Variants in HABP2 observed in about 807,000 individuals in gnomAD.
HABP2 encodes hyaluronan binding protein 2, also known as factor VII-activating protease.
HABP2 carries 65 observed loss-of-function variants against 66.5 expected under a neutral mutation model. That is an observed-to-expected ratio of 0.98 (90% CI 0.80 to 1.20). HABP2 has a LOEUF of 1.20. Among genes scored for constraint, HABP2 ranks in the 50% most tolerant of loss-of-function variants. HABP2 has a pLI of 0.00. For synonymous variants in HABP2, 263 were observed against 253.9 expected (o/e 1.04, Z -0.34); for missense variants, 786 against 691.0 (o/e 1.14, Z -1.54).
intron 2 of HABP2, among the ~76,000 whole-genome samples, chr10:113,572,161 G>C (rs1028885533): frequency 2.0e-5 from 3 of 152,222 alleles, no homozygotes; most frequent in Non-Finnish European, 2.9e-5. Flanking sequence ...ATGGGCCCTA[G>C]AGAATAGGAA....
intron 11 of HABP2, 43 bp downstream of exon 11, chr10:113,584,325 T>A: frequency 6.3e-7 from 1 of 1,588,330 alleles, no homozygotes; most frequent in Non-Finnish European, 8.6e-7. Flanking sequence ...GTGAACTACA[T>A]CAACCAGAGA....
intron 7 of HABP2, 120 bp downstream of exon 7, chr10:113,578,918 G>A (rs1845467835): frequency 1.4e-6 from 1 of 698,796 alleles, no homozygotes. Flanking sequence ...ATGTTATGCT[G>A]CTGTAGTAAA....
At chr10:113,585,964 G>T (rs776730699) in intron 12 of HABP2, 26 bp downstream of exon 12, 2 of 1,608,482 alleles carry the variant, frequency 1.2e-6, no homozygotes, top group African/African-American at 2.7e-5. Flanking sequence ...TGGTGCTTGT[G>T]GTAGGAGAGG....
chr10:113,563,276 G>A (rs1207949206), intron 1 of HABP2, among the ~76,000 whole-genome samples: 2 of 152,188 alleles, frequency 1.3e-5, no homozygotes, highest in Non-Finnish European at 2.9e-5. Context: ...ATAATGGAAT[G>A]ATGGAATGAA....
intron 1 of HABP2, 109 bp from the exon 2 acceptor site, chr10:113,567,380 G>A: frequency 1.2e-6 from 1 of 806,336 alleles, no homozygotes; most frequent in Non-Finnish European, 2.2e-6. Context: ...CCATCAGAAA[G>A]CACGCAGTGC....
intron 5 of HABP2, among the ~76,000 whole-genome samples, chr10:113,577,599 G>A (rs923710208): frequency 1.2e-4 from 18 of 152,166 alleles, no homozygotes; most frequent in Non-Finnish European, 2.1e-4. Context: ...GGAAATTTAC[G>A]TTCTCTTTTG....
At position 113,556,554 on chromosome 10, in the gene HABP2, A is replaced by AT. The variant is rs901551633; in HGVS notation, c.69+3372dup. The stretch of plus-strand genomic sequence containing the variant: ...CAAGACTCTGTCTCTATCAAAAAAA[A>AT]TTTTTTTTAAATTAAGCGGGTGTGG... On this transcript the variant is annotated intron_variant, in intron 1 of 12. Transcript: ENST00000351270. 1.3e-4 allele frequency among the ~76,000 whole-genome samples: 20 copies of AT among 151,770 alleles called. 1 individual carries two copies. The highest frequency in any genetic ancestry group is 2.1e-4 in the South Asian group (1 of 4,812).
chr10:113,588,551 C>G lies in HABP2; in HGVS notation c.*182C>G, dbSNP rs1490388753. On this transcript the variant is annotated 3_prime_UTR_variant, in exon 13 of 13. Transcript: ENST00000351270. ...CCAGACCAGCATTTGCACAATATCACCAGGCTTCTTCTGCCTCCCTTGGTA... is the reference window on the plus strand; with the variant it reads ...CCAGACCAGCATTTGCACAATATCAGCAGGCTTCTTCTGCCTCCCTTGGTA... 1.8e-6 allele frequency: 1 copy of G among 550,412 alleles called. No homozygotes were observed. Among genetic ancestry groups the G allele is most frequent in the Non-Finnish European group, 3.2e-6 (1 of 313,894 alleles). 34.1% of individuals were successfully genotyped at this position (550,412 alleles called of 1,614,324 possible).
Position 113,583,238 on chromosome 10 carries a change from G to T in HABP2, c.1117G>T (p.Val373Leu), listed in dbSNP as rs1845573008. ...CTDIKTRHLKVVLGDQDLKKE... is the reference protein window; with the variant it reads ...CTDIKTRHLKLVLGDQDLKKE... ...CAGCATAAAAACCAGACATCTAAAG[G>T]TGGTGCTAGGGGACCAGGACCTGAA... Residue 373 changes from valine (V) to leucine (L), a missense_variant, in exon 10 of 13, where the codon GTG (valine) becomes TTG (leucine). Physicochemically the swap from Val to Leu is conservative, Grantham distance 32 (BLOSUM62 1). Transcript: ENST00000351270. 2 of 1,613,836 alleles carry T rather than the reference G, an allele frequency of 1.2e-6. No individual in the cohort carries two copies. Among genetic ancestry groups the T allele is most frequent in the Non-Finnish European group, 8.5e-7 (1 of 1,179,734 alleles).
At chr10:113,556,932 A>G (rs1435383393) in intron 1 of HABP2, among the ~76,000 whole-genome samples, 1 of 151,396 alleles carries the variant, frequency 6.6e-6, no homozygotes, top group Non-Finnish European at 1.5e-5. Flanking sequence ...GGTGTGAAGC[A>G]TCATGCCTGG....
At position 113,581,878 on chromosome 10, in the gene HABP2, G is replaced by A. The variant is rs140508802; in HGVS notation, c.841G>A (p.Val281Ile). 98 of 1,613,830 alleles carry A rather than the reference G, an allele frequency of 6.1e-5. No homozygotes were observed. Among genetic ancestry groups the A allele is most frequent in the Admixed American group, 1.0e-4 (6 of 59,932 alleles). ...TTTATCTTTCTTGTGTCCCACAGACGTTGCCTACCCAGAGGAAAGCCCCAC... is the reference window on the plus strand; with the variant it reads ...TTTATCTTTCTTGTGTCCCACAGACATTGCCTACCCAGAGGAAAGCCCCAC... Reference protein sequence around the residue: ...CDVSACSAQDVAYPEESPTEP... With the variant: ...CDVSACSAQDIAYPEESPTEP... Residue 281 changes from valine to isoleucine, a missense_variant and splice_region_variant, in exon 9 of 13, where the codon GTT (valine) becomes ATT (isoleucine). By Grantham distance (29) the Val-to-Ile change is conservative. Transcript: ENST00000351270.
At chr10:113,559,298 C>A (rs1845057940) in intron 1 of HABP2, among the ~76,000 whole-genome samples, 2 of 152,194 alleles carry the variant, frequency 1.3e-5, no homozygotes, top group South Asian at 4.1e-4. Context: ...CTGGGATGAG[C>A]CATTTGTACA....
intron 2 of HABP2, among the ~76,000 whole-genome samples, chr10:113,572,125 CGT>C (rs1255916464): frequency 6.6e-6 from 1 of 152,220 alleles, no homozygotes; most frequent in Non-Finnish European, 1.5e-5. Context: ...GAGCTCTGCT[CGT>C]TCTATCCATC....
chr10:113,584,265 G>A lies in HABP2; in HGVS notation c.1355G>A (p.Trp452Ter), dbSNP rs868860032. Residue 452 changes from tryptophan to a stop codon, truncating the protein, a stop_gained, in exon 11 of 13, where the codon TGG becomes TAG. Transcript: ENST00000351270. LOFTEE classifies it high-confidence loss of function. ...PSGSECHISG[W>*]GVTETGKGSR... The stretch of plus-strand genomic sequence containing the variant: ...GGGAGTGAGTGCCACATCTCTGGCT[G>A]GGGTGTTACAGAAACAGGTGAGTCG... 1.2e-6 allele frequency: 2 copies of A among 1,613,938 alleles called. No individual in the cohort carries two copies. Among genetic ancestry groups the A allele is most frequent in the Non-Finnish European group, 8.5e-7 (1 of 1,179,794 alleles).
At chr10:113,556,804 CTTTTTTTT>C (rs66685949) in intron 1 of HABP2, among the ~76,000 whole-genome samples, 4 of 105,134 alleles carry the variant, frequency 3.8e-5, no homozygotes, top group African/African-American at 1.5e-4. Flanking sequence ...TTCTTTTATT[CTTTTTTTT>C]TTTTTTTTTT....
intron 3 of HABP2, among the ~76,000 whole-genome samples, chr10:113,574,692 T>C (rs1845376833): frequency 6.6e-6 from 1 of 152,180 alleles, no homozygotes; most frequent in Admixed American, 6.5e-5. Flanking sequence ...TGCAGCATTG[T>C]CCAGGTTTCC....
chr10:113,583,804 ACCAGCTGCT>A (rs1845585287), intron 10 of HABP2, among the ~76,000 whole-genome samples: 1 of 152,180 alleles, frequency 6.6e-6, no homozygotes, highest in South Asian at 2.1e-4. Flanking sequence ...GTTCCTAGCT[ACCAGCTGCT>A]CAGTTCTGTA....
At position 113,575,997 on chromosome 10, in the gene HABP2, T is replaced by A; in HGVS notation, c.324T>A (p.Cys108Ter). Residue 108 changes from cysteine (C) to a stop codon, truncating the protein, a stop_gained, in exon 4 of 13, where the codon TGT (cysteine) becomes TGA (stop). Coordinates refer to ENST00000351270, the MANE Select transcript of HABP2 (RefSeq NM_004132.5). LOFTEE classifies it high-confidence loss of function. The stretch of plus-strand genomic sequence containing the variant: ...TGGCTCCTTTCTCTGGGAATAAGTG[T>A]CAGAAAGGTGAGTCCGTCATCACTA... ...SCLAPFSGNK[C>*]QKVQNTCKDN... is the part of the protein sequence containing the mutation. 6.4e-7 allele frequency: 1 copy of A among 1,566,336 alleles called. No individual in the cohort carries two copies. The highest frequency in any genetic ancestry group is 8.8e-7 in the Non-Finnish European group (1 of 1,136,440).
At chr10:113,587,288 G>C (rs11575784) in intron 12 of HABP2, among the ~76,000 whole-genome samples, 1 of 152,130 alleles carries the variant, frequency 6.6e-6, no homozygotes, top group African/African-American at 2.4e-5. Context: ...CTGCACTCCA[G>C]CCTGGGCAAC....
Sources: gnomAD v4.1 joint callset for allele counts (sites outside exome capture counted in the v4.1 genomes callset) on GRCh38, gnomAD v4.1.1 for gene constraint, MANE v1.5 for transcripts, NCBI Gene and HGNC (gene_info 2026-07-23, HGNC 2026-07-21) for gene names.